RBM33: variants seen among roughly 807,000 people sequenced by gnomAD.
The protein encoded by RBM33 is RNA-binding protein 33.
A neutral mutation model predicts 132.6 loss-of-function variants in RBM33; 28 were observed. The observed-to-expected ratio is 0.21, with a 90% CI of 0.16 to 0.29. The LOEUF is 0.29. Ranked by LOEUF, RBM33 falls within the 10% of genes least tolerant of loss-of-function variation. The pLI is 1.00. For synonymous variants in RBM33, 634 were observed against 593.0 expected, an observed-to-expected ratio of 1.07 and a Z score of -1.01; for missense variants, 1,291 against 1,518.5, an observed-to-expected ratio of 0.85 and a Z score of 2.49.
At chr7:155,738,580 CAAT>C (rs1272519876) in intron 11 of RBM33, 177 bp downstream of exon 11, 5 of 628,676 alleles carry the variant, frequency 8.0e-6, no homozygotes, top group Non-Finnish European at 1.3e-5. Context: ...TTACTTATCT[CAAT>C]ACAAGAAAAA....
rs1321145864 is a variant in RBM33, at chr7:155,779,678, C to A, written c.*4637C>A. Reference sequence around the variant, plus strand: ...GATTCATATTGGATCCCCAGGTATACCTTCTGCTGGTAGCATATGGCTGGA... The same window carrying A: ...GATTCATATTGGATCCCCAGGTATAACTTCTGCTGGTAGCATATGGCTGGA... On this transcript the variant is annotated 3_prime_UTR_variant, in exon 18 of 18. Coordinates refer to ENST00000401878, the MANE Select transcript of RBM33 (RefSeq NM_053043.3). 1 of 152,168 alleles carries A rather than the reference C, an allele frequency of 6.6e-6. No homozygotes were observed. The highest frequency in any genetic ancestry group is 1.9e-4 in the East Asian group (1 of 5,186). The allele number at this position is 152,168 out of a possible 1,614,324, so 9.4% of individuals were successfully genotyped here. A position where few individuals can be genotyped will look rare whatever the true frequency, so the allele number is the denominator to read the frequency against.
At chr7:155,691,334 CTTCTCTACA>C (rs1799634443) in intron 5 of RBM33, among the ~76,000 whole-genome samples, 1 of 152,134 alleles carries the variant, frequency 6.6e-6, no homozygotes, top group East Asian at 1.9e-4. Context: ...CATTTAAGGA[CTTCTCTACA>C]CTGGTTATTC....
At chr7:155,666,474 G>C (rs993581386) in intron 2 of RBM33, among the ~76,000 whole-genome samples, 1 of 152,176 alleles carries the variant, frequency 6.6e-6, no homozygotes, top group African/African-American at 2.4e-5. Flanking sequence ...TAGGTAGCTG[G>C]GCATCTCTTA....
At chr7:155,672,814 C>A in intron 2 of RBM33, 53 bp from the exon 3 acceptor site, 2 of 1,226,422 alleles carry the variant, frequency 1.6e-6, no homozygotes, top group Non-Finnish European at 1.1e-6. Context: ...GATCTACAAA[C>A]TTGCAAGTCT....
intron 1 of RBM33, among the ~76,000 whole-genome samples, chr7:155,660,273 A>G (rs1798604573): frequency 1.3e-5 from 2 of 152,106 alleles, no homozygotes; most frequent in Admixed American, 6.5e-5. Flanking sequence ...TAGGATCTGG[A>G]TATATTGCCC....
At chr7:155,680,953 C>A in intron 5 of RBM33, 45 bp downstream of exon 5, 1 of 1,490,382 alleles carries the variant, frequency 6.7e-7, no homozygotes, top group Non-Finnish European at 9.2e-7. Context: ...CCTGGCTTCC[C>A]ATGCATAGGC....
At chr7:155,658,384 A>ATTTTTTT (rs71303950) in intron 1 of RBM33, among the ~76,000 whole-genome samples, 1 of 122,876 alleles carries the variant, frequency 8.1e-6, no homozygotes. Flanking sequence ...ATATAGTTGG[A>ATTTTTTT]TTTTTTTTTT....
chr7:155,706,502 A>G (rs970994791), intron 6 of RBM33, among the ~76,000 whole-genome samples: 7 of 152,078 alleles, frequency 4.6e-5, no homozygotes, highest in Admixed American at 1.3e-4. Context: ...TCGGGGGGAA[A>G]AAGGATGGGA....
At chr7:155,697,016 G>A (rs1200350521) in intron 5 of RBM33, among the ~76,000 whole-genome samples, 3 of 152,306 alleles carry the variant, frequency 2.0e-5, no homozygotes, top group Non-Finnish European at 4.4e-5. Context: ...AACGCCCCTG[G>A]CAATGCCCAC....
chr7:155,730,424 G>A (rs754856186), intron 9 of RBM33, among the ~76,000 whole-genome samples: 6 of 152,242 alleles, frequency 3.9e-5, no homozygotes, highest in African/African-American at 4.8e-5. Context: ...ACAAAAAGGT[G>A]TAAAAATGAT....
chr7:155,692,994 G>A lies in RBM33; in HGVS notation c.568-7779G>A, dbSNP rs184753801. Among the ~76,000 whole-genome samples the A allele has an allele frequency of 6.6e-5, 10 of 152,302 alleles. No individual in the cohort carries two copies. The East Asian group carries it at 1.9e-3, about 29-fold the overall frequency. The stretch of plus-strand genomic sequence containing the variant: ...TTTGACTTGGAAAGGTGCTCGTGAT[G>A]CATTAAGTGTAAAGAGCAAGATGAT... On this transcript the variant is annotated intron_variant, in intron 5 of 17. Coordinates refer to ENST00000401878, the MANE Select transcript of RBM33 (RefSeq NM_053043.3).
chr7:155,679,973 C>T (rs1220894684), intron 4 of RBM33, among the ~76,000 whole-genome samples: 1 of 152,064 alleles, frequency 6.6e-6, no homozygotes, highest in African/African-American at 2.4e-5. Context: ...TGTTATTTTA[C>T]TTAGAAATTA....
intron 8 of RBM33, among the ~76,000 whole-genome samples, chr7:155,716,114 G>T (rs975946256): frequency 6.6e-6 from 1 of 152,120 alleles, no homozygotes. Context: ...AGCTAGACTG[G>T]TCTCTAACAT....
intron 14 of RBM33, among the ~76,000 whole-genome samples, chr7:155,755,546 G>T (rs974471837): frequency 6.6e-6 from 1 of 152,204 alleles, no homozygotes; most frequent in African/African-American, 2.4e-5. Flanking sequence ...AAAAATGGTT[G>T]GGGAATTTGT....
At chr7:155,707,737 A>G (rs1001812554) in intron 7 of RBM33, among the ~76,000 whole-genome samples, 1 of 152,104 alleles carries the variant, frequency 6.6e-6, no homozygotes, top group Non-Finnish European at 1.5e-5. Flanking sequence ...GCTTACTGCA[A>G]CCTACACCTC....
chr7:155,755,429 A>G (rs2117053271), intron 14 of RBM33, among the ~76,000 whole-genome samples: 1 of 152,330 alleles, frequency 6.6e-6, no homozygotes, highest in Non-Finnish European at 1.5e-5. Context: ...ACCTTTACAG[A>G]AAGAGTTGCC....
At chr7:155,722,573 A>G (rs1046263726) in intron 9 of RBM33, among the ~76,000 whole-genome samples, 1 of 152,234 alleles carries the variant, frequency 6.6e-6, no homozygotes, top group African/African-American at 2.4e-5. Context: ...GTAAGTCCTT[A>G]TCTTATCCAT....
intron 1 of RBM33, among the ~76,000 whole-genome samples, chr7:155,659,791 C>T (rs759155721): frequency 6.6e-6 from 1 of 152,118 alleles, no homozygotes; most frequent in Non-Finnish European, 1.5e-5. Flanking sequence ...ATTCACAGGT[C>T]AGGAGACCGG....
intron 1 of RBM33, among the ~76,000 whole-genome samples, chr7:155,655,157 C>T (rs554438095): frequency 6.6e-6 from 1 of 152,234 alleles, no homozygotes; most frequent in Admixed American, 6.5e-5. Flanking sequence ...CCTGGGCACA[C>T]GTGTACACGT....
Sources: gnomAD v4.1 joint callset for allele counts (sites outside exome capture counted in the v4.1 genomes callset) on GRCh38, gnomAD v4.1.1 for gene constraint, MANE v1.5 for transcripts, NCBI Gene and HGNC (gene_info 2026-07-23, HGNC 2026-07-21) for gene names.